The following CFAP251 variants were observed in gnomAD, a reference collection of about 807,000 sequenced individuals.
CFAP251 encodes cilia and flagella associated protein 251.
Under a neutral mutation model 126.7 loss-of-function variants are expected in CFAP251, and 93 were observed. That is an observed-to-expected ratio of 0.73 (90% confidence interval 0.62 to 0.87). CFAP251 has a LOEUF of 0.87. Ranked by LOEUF, CFAP251 falls within the 40% of genes least tolerant of loss-of-function variation. The pLI is 0.00. For missense variants in CFAP251, 1,287 were observed against 1,389.2 expected, an observed-to-expected ratio of 0.93 and a Z score of 1.17; for synonymous variants, 503 against 506.9, an observed-to-expected ratio of 0.99 and a Z score of 0.10.
At chr12:121,941,924 T>C (rs1881134063) in intron 5 of CFAP251, among the ~76,000 whole-genome samples, 1 of 152,134 alleles carries the variant, frequency 6.6e-6, no homozygotes, top group Non-Finnish European at 1.5e-5. Flanking sequence ...AGTGCCCGAT[T>C]CCCTGAGAGC....
intron 3 of CFAP251, among the ~76,000 whole-genome samples, chr12:121,926,435 TC>T (rs1159694153): frequency 6.6e-6 from 1 of 152,106 alleles, no homozygotes; most frequent in Non-Finnish European, 1.5e-5. Flanking sequence ...CAATGGATCT[TC>T]CCACCTCAGC....
chr12:121,981,026 G>A (rs1327053387), intron 19 of CFAP251, among the ~76,000 whole-genome samples: 1 of 152,250 alleles, frequency 6.6e-6, no homozygotes, highest in Non-Finnish European at 1.5e-5. Context: ...GCGCACAGAG[G>A]TGCTTACTCA....
At position 121,936,284 on chromosome 12, in the gene CFAP251, C is replaced by CA. The variant is rs1178036927; in HGVS notation, c.998+1934dup. Among the ~76,000 whole-genome samples, 3 of 152,144 alleles carry CA rather than the reference C, an allele frequency of 2.0e-5. No homozygotes were observed. In the East Asian group the frequency reaches 5.8e-4, roughly 29 times the overall value. Reference sequence around the variant, plus strand: ...GCAACATAGTGAGACTCTGTCTCTACAAAAAATTAAAAGTTAGCCACATGT... The same window carrying CA: ...GCAACATAGTGAGACTCTGTCTCTACAAAAAAATTAAAAGTTAGCCACATGT... On this transcript the variant is annotated intron_variant, in intron 5 of 21. Transcript: ENST00000288912.
chr12:122,000,564 A>G (rs1883126112), intron 20 of CFAP251, among the ~76,000 whole-genome samples: 1 of 151,936 alleles, frequency 6.6e-6, no homozygotes. Flanking sequence ...AAAAAAAAGA[A>G]AGAAAAAAAG....
chr12:121,921,732 T>C, intron 2 of CFAP251, 49 bp downstream of exon 2: 1 of 1,557,258 alleles, frequency 6.4e-7, no homozygotes, highest in Non-Finnish European at 8.7e-7. Flanking sequence ...AATCATTAGT[T>C]GAATGCTTAG....
chr12:121,953,689 C>T, intron 9 of CFAP251: 1 of 175,500 alleles, frequency 5.7e-6, no homozygotes, highest in Non-Finnish European at 1.2e-5. Context: ...TTTCTATGTA[C>T]AGTGCTTAAA....
At chr12:121,929,894 T>C (rs927198702) in intron 3 of CFAP251, among the ~76,000 whole-genome samples, 1 of 152,150 alleles carries the variant, frequency 6.6e-6, no homozygotes, top group African/African-American at 2.4e-5. Flanking sequence ...ACCAGGCTGG[T>C]CTTGAACTCC....
At chr12:121,941,350 T>TC (rs1343634616) in intron 5 of CFAP251, among the ~76,000 whole-genome samples, 1 of 149,316 alleles carries the variant, frequency 6.7e-6, no homozygotes, top group African/African-American at 2.5e-5. Flanking sequence ...TTTTTTTTTT[T>TC]TGAGGCAAGA....
chr12:121,962,247 G>A (rs1227451844), intron 15 of CFAP251, 85 bp downstream of exon 15: 3 of 1,298,830 alleles, frequency 2.3e-6, no homozygotes, highest in Admixed American at 2.1e-5. Context: ...ATAGGGACCT[G>A]CAGGCAGCTT....
chr12:121,958,448 AAAAC>A lies in CFAP251; in HGVS notation c.1914_1917del (p.Lys638AsnfsTer17), dbSNP rs1881805871. 6.2e-7 allele frequency: 1 copy of A among 1,614,248 alleles called. No homozygotes were observed. The highest frequency in any genetic ancestry group is 1.3e-5 in the African/African-American group (1 of 75,060). On this transcript the variant is annotated frameshift_variant, in exon 12 of 22. Coordinates refer to ENST00000288912, the MANE Select transcript of CFAP251 (RefSeq NM_144668.6). LOFTEE classifies it high-confidence loss of function. ...GGGATGATCAAAGTGTGGAATTATG[AAAAC>A]AAACAATATCTTTTCAGCAGGGTTT...
Position 121,921,517 on chromosome 12 carries a change from A to G in CFAP251, c.212A>G (p.Lys71Arg), listed in dbSNP as rs1287392285. The change falls in exon 2 of 22, where the codon AAG becomes AGG. Residue 71 changes from lysine (K) to arginine (R), a missense_variant. By Grantham distance (26) the Lys-to-Arg change is conservative. Transcript: ENST00000288912. ...EGEEEGKEDK[K>R]IVMEETEEKA... ...GAGGAGGAGGGGAAGGAGGACAAAA[A>G]GATTGTCATGGAAGAAACTGAGGAA... 1.1e-6 allele frequency: 1 copy of G among 889,522 alleles called. No homozygotes were observed. Among genetic ancestry groups the G allele is most frequent in the African/African-American group, 3.5e-5 (1 of 28,736 alleles). The allele number at this position is 889,522 out of a possible 1,614,324, so 55.1% of individuals were successfully genotyped here.
chr12:121,931,382 G>A (rs1373770391), intron 3 of CFAP251, among the ~76,000 whole-genome samples: 4 of 149,854 alleles, frequency 2.7e-5, no homozygotes, highest in Non-Finnish European at 4.4e-5. Flanking sequence ...GCGCGATCTC[G>A]GCTCACTGCA....
chr12:121,972,489 ATT>A (rs1410124157), intron 17 of CFAP251, among the ~76,000 whole-genome samples: 6 of 143,672 alleles, frequency 4.2e-5, no homozygotes, highest in Non-Finnish European at 4.6e-5. Flanking sequence ...TGGTAGAGTA[ATT>A]TTTTTTTTTT....
intron 5 of CFAP251, among the ~76,000 whole-genome samples, chr12:121,941,482 T>C (rs958023963): frequency 6.6e-6 from 1 of 151,740 alleles, no homozygotes; most frequent in Non-Finnish European, 1.5e-5. Context: ...CACAGGCACG[T>C]GCCACCACAC....
chr12:121,997,401 CAAAAAAAAA>C (rs552094384), intron 19 of CFAP251: 3 of 101,180 alleles, frequency 3.0e-5, no homozygotes, highest in African/African-American at 1.2e-4. Flanking sequence ...CATCATCTCT[CAAAAAAAAA>C]AAAAAAAAAA....
At chr12:121,934,204 C>A (rs375630307) in intron 4 of CFAP251, 43 bp from the exon 5 acceptor site, 9 of 1,527,224 alleles carry the variant, frequency 5.9e-6, no homozygotes, top group Non-Finnish European at 8.1e-6. Flanking sequence ...AAGGCTGGGC[C>A]GCATCTTGGA....
Position 121,942,607 on chromosome 12 carries a change from G to A in CFAP251, c.1072G>A (p.Ala358Thr), listed in dbSNP as rs140977068. Residue 358 changes from alanine (A) to threonine (T), a missense_variant, in exon 6 of 22, where the codon GCC becomes ACC. Physicochemically the swap from Ala to Thr is moderately conservative, Grantham distance 58. Transcript: ENST00000288912. ...GIMAMAMTHD[A>T]KYLATISDAE... ...CATGGCCATGGCCATGACCCACGAC[G>A]CCAAGTATCTGGCAACCATCTCAGA... is the stretch of plus-strand genomic sequence containing the variant. 3,700 of 1,613,396 alleles carry A rather than the reference G, an allele frequency of 2.3e-3. 8 individuals carry two copies. Among genetic ancestry groups the A allele is most frequent in the Non-Finnish European group, 2.8e-3 (3,331 of 1,179,988 alleles).
intron 19 of CFAP251, among the ~76,000 whole-genome samples, chr12:121,996,563 G>A (rs1010461223): frequency 1.3e-5 from 2 of 152,114 alleles, no homozygotes; most frequent in Non-Finnish European, 2.9e-5. Context: ...GTGTTAACTG[G>A]CCCCGCATTT....
At chr12:121,984,854 C>G (rs1233462493) in intron 19 of CFAP251, among the ~76,000 whole-genome samples, 1 of 152,162 alleles carries the variant, frequency 6.6e-6, no homozygotes, top group Non-Finnish European at 1.5e-5. Flanking sequence ...ATAATCTTGA[C>G]AGGTTTGGGC....
Sources: gnomAD v4.1 joint callset for allele counts (sites outside exome capture counted in the v4.1 genomes callset) on GRCh38, gnomAD v4.1.1 for gene constraint, MANE v1.5 for transcripts, NCBI Gene and HGNC (gene_info 2026-07-23, HGNC 2026-07-21) for gene names.